SLC9A9: variants seen among roughly 807,000 people sequenced by gnomAD.
SLC9A9 encodes the protein solute carrier family 9 member A9, also known as sodium/hydrogen exchanger 9.
SLC9A9 carries 62 observed loss-of-function variants against 77.8 expected under a neutral mutation model. That is an observed-to-expected ratio of 0.80 (90% CI 0.65 to 0.98). The LOEUF (loss-of-function observed/expected upper bound fraction) is 0.98. SLC9A9 is among the 50% of genes least tolerant of loss of function. SLC9A9 has a pLI of 0.00. For synonymous variants in SLC9A9, 320 were observed against 283.5 expected (o/e 1.13, Z -1.29); for missense variants, 775 against 774.9 (o/e 1.00, Z 0.00).
At chr3:143,813,327 A>G (rs1261232867) in intron 2 of SLC9A9, among the ~76,000 whole-genome samples, 2 of 152,278 alleles carry the variant, frequency 1.3e-5, no homozygotes, top group African/African-American at 4.8e-5. Context: ...CTCGTGACAC[A>G]CCTGTGATCC....
chr3:143,581,959 C>T (rs1461301889), intron 6 of SLC9A9, among the ~76,000 whole-genome samples: 2 of 152,104 alleles, frequency 1.3e-5, no homozygotes, highest in African/African-American at 4.8e-5. Context: ...CAGGACACAG[C>T]CTGTTGTTTG....
intron 14 of SLC9A9, among the ~76,000 whole-genome samples, chr3:143,341,187 T>G (rs1226574554): frequency 6.6e-6 from 1 of 152,112 alleles, no homozygotes; most frequent in Admixed American, 6.6e-5. Flanking sequence ...GTGAATTTCT[T>G]TAGGATCTTT....
intron 12 of SLC9A9, among the ~76,000 whole-genome samples, chr3:143,433,955 A>AG (rs2034574165): frequency 1.3e-5 from 2 of 152,096 alleles, no homozygotes. Flanking sequence ...CTACCTCTCT[A>AG]GGGGGCGCTG....
At chr3:143,634,281 C>T (rs888155260) in intron 6 of SLC9A9, among the ~76,000 whole-genome samples, 1 of 152,148 alleles carries the variant, frequency 6.6e-6, no homozygotes, top group Admixed American at 6.5e-5. Flanking sequence ...TATTGTTTTA[C>T]ACCATGTTCT....
rs771190478 is a variant in SLC9A9, at chr3:143,552,322, G to A, written c.1089+40C>T. Reference sequence around the variant, plus strand: ...AGAATTGCTACATAACCATTTCACTGAGAAAAGAGACCAAGTCTGTAGTAA... The same window carrying A: ...AGAATTGCTACATAACCATTTCACTAAGAAAAGAGACCAAGTCTGTAGTAA... On this transcript the variant is annotated intron_variant, in intron 9 of 15. Transcript: ENST00000316549. 2.0e-6 allele frequency: 3 copies of A among 1,468,556 alleles called. No homozygotes were observed. The Admixed American group carries it at 5.2e-5, about 25-fold the overall frequency. The allele number at this position is 1,468,556 out of a possible 1,614,324, so 91.0% of individuals were successfully genotyped here. A position where few individuals can be genotyped will look rare whatever the true frequency, so the allele number is the denominator to read the frequency against.
chr3:143,652,582 C>T (rs1007149219), intron 5 of SLC9A9, among the ~76,000 whole-genome samples: 4 of 152,186 alleles, frequency 2.6e-5, no homozygotes, highest in Non-Finnish European at 2.9e-5. Context: ...TACAAGTACC[C>T]TACAATCTGC....
chr3:143,705,584 A>G (rs984502173), intron 4 of SLC9A9, among the ~76,000 whole-genome samples: 1 of 152,220 alleles, frequency 6.6e-6, no homozygotes, highest in Admixed American at 6.5e-5. Context: ...TACAGTATGT[A>G]TCTCCAAAAA....
chr3:143,482,708 T>TTAAA (rs1202282155), intron 11 of SLC9A9, among the ~76,000 whole-genome samples: 1 of 152,224 alleles, frequency 6.6e-6, no homozygotes, highest in Non-Finnish European at 1.5e-5. Context: ...TAGTTTTAAA[T>TTAAA]TAAATAAAAA....
At chr3:143,371,691 G>A (rs2033062381) in intron 13 of SLC9A9, among the ~76,000 whole-genome samples, 1 of 152,104 alleles carries the variant, frequency 6.6e-6, no homozygotes, top group Admixed American at 6.5e-5. Context: ...GATGTAAATT[G>A]TATTAAAAGA....
chr3:143,722,545 G>A (rs1934532927), intron 4 of SLC9A9, among the ~76,000 whole-genome samples: 1 of 147,442 alleles, frequency 6.8e-6, no homozygotes, highest in African/African-American at 2.5e-5. Context: ...AGAAGTCACT[G>A]TACCAAAGCC....
At chr3:143,662,841 C>T (rs1177841530) in intron 5 of SLC9A9, among the ~76,000 whole-genome samples, 1 of 152,114 alleles carries the variant, frequency 6.6e-6, no homozygotes, top group Non-Finnish European at 1.5e-5. Flanking sequence ...TGAAGGAGGC[C>T]TGCATGCCTC....
At chr3:143,767,734 T>C (rs895520616) in intron 4 of SLC9A9, among the ~76,000 whole-genome samples, 1 of 152,176 alleles carries the variant, frequency 6.6e-6, no homozygotes, top group Non-Finnish European at 1.5e-5. Context: ...GTTTAAAAAT[T>C]GCCTATTTCT....
chr3:143,550,424 T>C (rs866661646), intron 9 of SLC9A9, among the ~76,000 whole-genome samples: 62 of 152,216 alleles, frequency 4.1e-4, no homozygotes, highest in African/African-American at 1.4e-3. Flanking sequence ...TCTCCCACTG[T>C]GGTCAGGGAT....
intron 13 of SLC9A9, among the ~76,000 whole-genome samples, chr3:143,379,145 G>A (rs1436773937): frequency 6.6e-6 from 1 of 152,086 alleles, no homozygotes; most frequent in Non-Finnish European, 1.5e-5. Flanking sequence ...TTCTGTGTAT[G>A]TGTTAAGGCT....
At chr3:143,455,031 A>G (rs2035065459) in intron 12 of SLC9A9, among the ~76,000 whole-genome samples, 1 of 152,218 alleles carries the variant, frequency 6.6e-6, no homozygotes, top group Non-Finnish European at 1.5e-5. Context: ...GTGTCATATT[A>G]AGATAATCCA....
chr3:143,661,920 C>T (rs138331189), intron 5 of SLC9A9, among the ~76,000 whole-genome samples: 225 of 119,906 alleles, frequency 1.9e-3, no homozygotes, highest in African/African-American at 9.2e-3. Context: ...CGAGCACCTG[C>T]TGTGTATGTC....
At chr3:143,401,613 T>C (rs1464651444) in intron 12 of SLC9A9, among the ~76,000 whole-genome samples, 4 of 152,210 alleles carry the variant, frequency 2.6e-5, no homozygotes, top group African/African-American at 9.6e-5. Flanking sequence ...TTTCCAGCCT[T>C]AATGTTAGAA....
At chr3:143,320,380 C>A (rs2031376121) in intron 14 of SLC9A9, among the ~76,000 whole-genome samples, 1 of 152,204 alleles carries the variant, frequency 6.6e-6, no homozygotes, top group Non-Finnish European at 1.5e-5. Context: ...ATGTGTTAGT[C>A]TTCTTGTGTT....
In SLC9A9 at chr3:143,751,916, G is replaced by C. The variant is rs558977465; in HGVS notation, c.533+43085C>G. The stretch of plus-strand genomic sequence containing the variant: ...TTGAGTGGAGTGTGATTCTGGGCCA[G>C]GGCCTGGGGCATCCTCAGTGAGGCT... On this transcript the variant is annotated intron_variant, in intron 4 of 15. Coordinates refer to ENST00000316549, the MANE Select transcript of SLC9A9 (RefSeq NM_173653.4). Among the ~76,000 whole-genome samples, 3 of 152,296 alleles carry C rather than the reference G, an allele frequency of 2.0e-5. No homozygotes were observed. In the East Asian group the frequency reaches 5.8e-4, roughly 29 times the overall value.
Sources: allele counts gnomAD v4.1 joint callset (sites outside exome capture counted in the v4.1 genomes callset), GRCh38; gene constraint gnomAD v4.1.1; transcripts MANE v1.5; gene names NCBI Gene and HGNC (gene_info 2026-07-23, HGNC 2026-07-21).